The following FHIT variants were observed in gnomAD, a reference collection of about 807,000 sequenced individuals.
FHIT encodes the protein fragile histidine triad diadenosine triphosphatase.
A neutral mutation model predicts 17.9 loss-of-function variants in FHIT; 19 were observed. The ratio of observed to expected loss-of-function variants is 1.06; its 90% CI spans 0.74 to 1.56. The LOEUF is 1.56. FHIT is among the 40% of genes most tolerant of loss of function. The pLI, the probability that FHIT is intolerant of heterozygous loss-of-function variation, is 0.00. For missense variants in FHIT, 248 were observed against 189.2 expected (o/e 1.31, Z -1.82); for synonymous variants, 81 against 69.7 (o/e 1.16, Z -0.81).
chr3:60,153,363 A>AG (rs1491354296), intron 5 of FHIT, among the ~76,000 whole-genome samples: 1 of 52,992 alleles, frequency 1.9e-5, no homozygotes, highest in Non-Finnish European at 4.3e-5. Flanking sequence ...ACAATTCACC[A>AG]GAAAAAAAAA....
chr3:60,614,140 C>T (rs2038869319), intron 4 of FHIT, among the ~76,000 whole-genome samples: 2 of 152,010 alleles, frequency 1.3e-5, no homozygotes, highest in African/African-American at 2.4e-5. Flanking sequence ...GAAGTAGGTG[C>T]CCACTGAGAA....
At chr3:60,807,052 A>G (rs782243923) in intron 4 of FHIT, among the ~76,000 whole-genome samples, 1 of 152,228 alleles carries the variant, frequency 6.6e-6, no homozygotes, top group African/African-American at 2.4e-5. Flanking sequence ...TCTCCAGTCA[A>G]TCATTGTTCT....
At chr3:60,687,132 A>G (rs2040877683) in intron 4 of FHIT, among the ~76,000 whole-genome samples, 1 of 152,338 alleles carries the variant, frequency 6.6e-6, no homozygotes, top group East Asian at 1.9e-4. Context: ...TCCAGTAAAT[A>G]TCTTGTATTA....
At chr3:60,787,983 A>G (rs1222525806) in intron 4 of FHIT, among the ~76,000 whole-genome samples, 1 of 152,214 alleles carries the variant, frequency 6.6e-6, no homozygotes, top group Non-Finnish European at 1.5e-5. Context: ...TACAGAGGAA[A>G]CATGAGTGAT....
At chr3:61,245,945 T>C (rs151198925) in intron 1 of FHIT, among the ~76,000 whole-genome samples, 23 of 152,282 alleles carry the variant, frequency 1.5e-4, no homozygotes, top group Non-Finnish European at 2.8e-4. Flanking sequence ...CAAGATAAGA[T>C]AGAAGGTTGG....
chr3:60,270,289 CCT>C (rs1706799838), intron 5 of FHIT, among the ~76,000 whole-genome samples: 1 of 152,146 alleles, frequency 6.6e-6, no homozygotes, highest in Admixed American at 6.5e-5. Flanking sequence ...GCTTTGTTGC[CCT>C]CTCTCTTTCC....
At chr3:59,961,642 C>T (rs1282436260) in intron 7 of FHIT, among the ~76,000 whole-genome samples, 1 of 152,140 alleles carries the variant, frequency 6.6e-6, no homozygotes, top group African/African-American at 2.4e-5. Flanking sequence ...CACGGTCCCA[C>T]ATGGCTTCCC....
At chr3:60,694,462 G>T (rs1040509496) in intron 4 of FHIT, among the ~76,000 whole-genome samples, 1 of 152,282 alleles carries the variant, frequency 6.6e-6, no homozygotes, top group Admixed American at 6.5e-5. Context: ...TTACATTGTT[G>T]GTGGGACTGT....
intron 2 of FHIT, among the ~76,000 whole-genome samples, chr3:61,059,453 G>T (rs1353816450): frequency 1.4e-5 from 2 of 140,550 alleles, no homozygotes; most frequent in Non-Finnish European, 3.0e-5. Context: ...CTGTTAATTT[G>T]GGGTGTCTGG....
chr3:61,113,905 C>T (rs987422574), intron 2 of FHIT, among the ~76,000 whole-genome samples: 2 of 152,196 alleles, frequency 1.3e-5, no homozygotes, highest in Non-Finnish European at 2.9e-5. Flanking sequence ...AGCACACGGT[C>T]TCTGTCTGAG....
chr3:60,541,981 A>G lies in FHIT; in HGVS notation c.-17-5002T>C, dbSNP rs571988638. ...CTTTTTGTCCTCTGTGTTCAGTCCC[A>G]TTCCCTCCCTTCCCACCACAGAAAT... is the stretch of plus-strand genomic sequence containing the variant. On this transcript the variant is annotated intron_variant, in intron 4 of 9. Coordinates refer to ENST00000492590, the MANE Select transcript of FHIT (RefSeq NM_002012.4). Among the ~76,000 whole-genome samples, 65 of 152,236 alleles carry G rather than the reference A, an allele frequency of 4.3e-4. No individual in the cohort carries two copies. The South Asian group carries it at 7.3e-3, about 17-fold the overall frequency.
At chr3:60,158,009 G>C (rs1700778068) in intron 5 of FHIT, among the ~76,000 whole-genome samples, 1 of 152,170 alleles carries the variant, frequency 6.6e-6, no homozygotes, top group South Asian at 2.1e-4. Context: ...TTCCTTAGAA[G>C]CATGAGCAAA....
chr3:60,330,889 T>A (rs962015048), intron 5 of FHIT, among the ~76,000 whole-genome samples: 1 of 151,190 alleles, frequency 6.6e-6, no homozygotes, highest in Non-Finnish European at 1.5e-5. Flanking sequence ...GAGACAGGAG[T>A]GTGCATATTT....
chr3:60,065,378 T>G (rs996219012), intron 5 of FHIT, among the ~76,000 whole-genome samples: 1 of 152,044 alleles, frequency 6.6e-6, no homozygotes, highest in Admixed American at 6.6e-5. Context: ...TTCTTTCATC[T>G]GTAAAATGGA....
intron 2 of FHIT, among the ~76,000 whole-genome samples, chr3:61,072,666 T>G (rs2034843218): frequency 6.6e-6 from 1 of 152,162 alleles, no homozygotes; most frequent in Non-Finnish European, 1.5e-5. Context: ...AATTCTGGCA[T>G]GGCCCTATTT....
intron 3 of FHIT, among the ~76,000 whole-genome samples, chr3:61,021,030 T>C (rs988287201): frequency 6.6e-6 from 1 of 152,112 alleles, no homozygotes; most frequent in Non-Finnish European, 1.5e-5. Flanking sequence ...CAGATTCATA[T>C]AGCAAGTTCT....
At chr3:60,109,888 C>A (rs1397064394) in intron 5 of FHIT, among the ~76,000 whole-genome samples, 1 of 152,134 alleles carries the variant, frequency 6.6e-6, no homozygotes, top group Non-Finnish European at 1.5e-5. Flanking sequence ...CGTACTTCCC[C>A]AAATCACTTT....
chr3:60,622,019 T>C (rs1576987923), intron 4 of FHIT, among the ~76,000 whole-genome samples: 1 of 152,188 alleles, frequency 6.6e-6, no homozygotes, highest in African/African-American at 2.4e-5. Context: ...TTGAGCTCTC[T>C]TAGCTACACA....
intron 5 of FHIT, among the ~76,000 whole-genome samples, chr3:60,276,803 A>AGAGAGGGAGAAAGAGAGAGAG (rs1707159953): frequency 6.6e-6 from 1 of 152,152 alleles, no homozygotes; most frequent in Admixed American, 6.5e-5. Flanking sequence ...TCACAGGGCA[A>AGAGAGGGAGAAAGAGAGAGAG]GAGAGGGAGA....
Sources: allele counts gnomAD v4.1 joint callset (sites outside exome capture counted in the v4.1 genomes callset), GRCh38; gene constraint gnomAD v4.1.1; transcripts MANE v1.5; gene names NCBI Gene and HGNC (gene_info 2026-07-23, HGNC 2026-07-21).